TTC28: variants seen among roughly 807,000 people sequenced by gnomAD.
TTC28 encodes the protein tetratricopeptide repeat protein 28.
A neutral mutation model predicts 198.0 loss-of-function variants in TTC28; 61 were observed. The ratio of observed to expected loss-of-function variants is 0.31; its 90% CI spans 0.25 to 0.38. The LOEUF is 0.38. TTC28 is among the 10% of genes least tolerant of loss of function. The pLI, the probability that TTC28 is intolerant of heterozygous loss-of-function variation, is 1.00. For synonymous variants in TTC28, 1,171 were observed against 1,297.8 expected, an observed-to-expected ratio of 0.90 and a Z score of 2.10; for missense variants, 2,678 against 3,164.0, an observed-to-expected ratio of 0.85 and a Z score of 3.69.
At position 28,269,102 on chromosome 22, in the gene TTC28, T is replaced by C. The variant is rs961089962; in HGVS notation, c.933+27096A>G. Among the ~76,000 whole-genome samples the C allele has an allele frequency of 6.6e-5, 10 of 152,280 alleles. No individual in the cohort carries two copies. The South Asian group carries it at 1.2e-3, about 19-fold the overall frequency. ...AAAGCTGTTCTCTGGCAATGGTCTTTCACGCAAGCACTAATTTTATTATAC... is the reference window on the plus strand; with the variant it reads ...AAAGCTGTTCTCTGGCAATGGTCTTCCACGCAAGCACTAATTTTATTATAC... On this transcript the variant is annotated intron_variant, in intron 5 of 22. Transcript: ENST00000397906.
chr22:28,001,764 C>T, intron 14 of TTC28: 6 of 592,064 alleles, frequency 1.0e-5, no homozygotes, highest in Non-Finnish European at 1.2e-5. Context: ...AAGGGCTGGC[C>T]TGGCAGCATC....
chr22:28,207,654 A>G (rs1298983807), intron 5 of TTC28, among the ~76,000 whole-genome samples: 1 of 152,188 alleles, frequency 6.6e-6, no homozygotes, highest in East Asian at 1.9e-4. Context: ...CATCAAAATC[A>G]GCATCAAAGG....
intron 2 of TTC28, among the ~76,000 whole-genome samples, chr22:28,477,452 T>C (rs1251146424): frequency 1.3e-5 from 2 of 152,198 alleles, no homozygotes; most frequent in Non-Finnish European, 2.9e-5. Flanking sequence ...CCAGCCACAT[T>C]GGCCTTCTCA....
At chr22:28,034,412 C>T (rs1939249426) in intron 12 of TTC28, among the ~76,000 whole-genome samples, 5 of 152,212 alleles carry the variant, frequency 3.3e-5, no homozygotes, top group Admixed American at 3.3e-4. Flanking sequence ...CTTGGCCCTG[C>T]CTACCTCTCT....
chr22:28,186,469 A>G (rs184552750), intron 5 of TTC28, among the ~76,000 whole-genome samples: 17 of 152,304 alleles, frequency 1.1e-4, no homozygotes, highest in South Asian at 4.1e-4. Flanking sequence ...TGCTTCAGGT[A>G]TAAGTTTATT....
At chr22:28,604,004 G>T (rs996932298) in intron 2 of TTC28, among the ~76,000 whole-genome samples, 2 of 152,020 alleles carry the variant, frequency 1.3e-5, no homozygotes, top group Non-Finnish European at 2.9e-5. Context: ...TTGGCCGGGT[G>T]TGGTGGCACA....
chr22:28,491,573 T>C (rs542180686), intron 2 of TTC28, among the ~76,000 whole-genome samples: 20 of 152,138 alleles, frequency 1.3e-4, no homozygotes, highest in Admixed American at 2.6e-4. Context: ...CCATCTCACA[T>C]CAGTTAGAAT....
At chr22:28,461,112 G>A (rs1327838082) in intron 2 of TTC28, among the ~76,000 whole-genome samples, 1 of 152,158 alleles carries the variant, frequency 6.6e-6, no homozygotes, top group Non-Finnish European at 1.5e-5. Flanking sequence ...GTTCCTCATT[G>A]TGGCCTTCTT....
At chr22:28,273,278 C>A (rs957596860) in intron 5 of TTC28, among the ~76,000 whole-genome samples, 10 of 151,808 alleles carry the variant, frequency 6.6e-5, no homozygotes, top group African/African-American at 2.2e-4. Context: ...AACCATGCAC[C>A]ACCAACAATA....
chr22:28,481,166 T>A (rs548495844), intron 2 of TTC28, among the ~76,000 whole-genome samples: 2 of 152,366 alleles, frequency 1.3e-5, no homozygotes, highest in Admixed American at 6.5e-5. Flanking sequence ...CAGATACTTT[T>A]AAAAGAATGA....
chr22:28,142,542 C>T (rs893540126), intron 6 of TTC28, among the ~76,000 whole-genome samples: 19 of 152,278 alleles, frequency 1.2e-4, no homozygotes, highest in Admixed American at 7.8e-4. Context: ...AATGTGGAAT[C>T]CATTGCTGTC....
At chr22:28,136,252 C>T (rs1403569840) in intron 6 of TTC28, among the ~76,000 whole-genome samples, 2 of 152,070 alleles carry the variant, frequency 1.3e-5, no homozygotes, top group East Asian at 1.9e-4. Flanking sequence ...TGAAGCAATC[C>T]TCCCACCTCA....
intron 2 of TTC28, among the ~76,000 whole-genome samples, chr22:28,458,458 G>C (rs2047897371): frequency 6.6e-6 from 1 of 152,144 alleles, no homozygotes; most frequent in South Asian, 2.1e-4. Context: ...CAACTTCCTA[G>C]ATAATCTCTC....
chr22:28,336,531 A>T (rs942589142), intron 2 of TTC28, among the ~76,000 whole-genome samples: 1 of 152,170 alleles, frequency 6.6e-6, no homozygotes, highest in African/African-American at 2.4e-5. Flanking sequence ...TTATTGGTCT[A>T]TTCAGAGATT....
chr22:28,282,805 A>T (rs905153164), intron 5 of TTC28, among the ~76,000 whole-genome samples: 1 of 152,322 alleles, frequency 6.6e-6, no homozygotes, highest in African/African-American at 2.4e-5. Flanking sequence ...GAAAAATATA[A>T]TAGATGGAGT....
At chr22:28,353,314 T>C (rs191941544) in intron 2 of TTC28, among the ~76,000 whole-genome samples, 4 of 152,136 alleles carry the variant, frequency 2.6e-5, no homozygotes, top group African/African-American at 9.7e-5. Flanking sequence ...AATGAATGTA[T>C]GTATAAAAAG....
chr22:28,621,301 T>G (rs1451385189), intron 2 of TTC28, among the ~76,000 whole-genome samples: 1 of 152,122 alleles, frequency 6.6e-6, no homozygotes, highest in East Asian at 1.9e-4. Context: ...AAGAACAATG[T>G]TACAATAAAA....
At chr22:28,549,883 T>C (rs2049627107) in intron 2 of TTC28, among the ~76,000 whole-genome samples, 1 of 152,200 alleles carries the variant, frequency 6.6e-6, no homozygotes, top group South Asian at 2.1e-4. Flanking sequence ...CAAAATACAG[T>C]TGTAAATTAT....
intron 2 of TTC28, among the ~76,000 whole-genome samples, chr22:28,596,863 A>C (rs2050551263): frequency 6.6e-6 from 1 of 152,208 alleles, no homozygotes; most frequent in Non-Finnish European, 1.5e-5. Flanking sequence ...TAAATATAAT[A>C]AATCTCTTCC....
Sources: allele counts gnomAD v4.1 joint callset (sites outside exome capture counted in the v4.1 genomes callset), GRCh38; gene constraint gnomAD v4.1.1; transcripts MANE v1.5; gene names NCBI Gene and HGNC (gene_info 2026-07-23, HGNC 2026-07-21).